RAB6A: variants seen among roughly 807,000 people sequenced by gnomAD.
RAB6A encodes the protein ras-related protein Rab-6A.
In RAB6A, 8 loss-of-function variants were observed where a neutral mutation model predicts 32.3. The observed-to-expected ratio is 0.25, with a 90% confidence interval of 0.15 to 0.45. The LOEUF is 0.45. RAB6A is among the 20% of genes least tolerant of loss of function. RAB6A has a pLI of 1.00. For synonymous variants in RAB6A, 73 were observed against 82.1 expected (o/e 0.89, Z 0.60); for missense variants, 104 against 249.4 (o/e 0.42, Z 3.93).
intron 1 of RAB6A, among the ~76,000 whole-genome samples, chr11:73,746,246 G>C (rs1016079533): frequency 6.6e-6 from 1 of 151,876 alleles, no homozygotes; most frequent in African/African-American, 2.4e-5. Flanking sequence ...AATAACTTTT[G>C]TAAGAATGAG....
chr11:73,719,886 GA>G (rs1230181568), intron 3 of RAB6A, among the ~76,000 whole-genome samples: 2 of 151,884 alleles, frequency 1.3e-5, no homozygotes, highest in African/African-American at 4.8e-5. Flanking sequence ...AAAGTGCTGG[GA>G]TTACAGGCGT....
chr11:73,756,994 GTAA>G (rs1403281902), intron 1 of RAB6A, among the ~76,000 whole-genome samples: 7 of 150,108 alleles, frequency 4.7e-5, no homozygotes, highest in Non-Finnish European at 8.9e-5. Flanking sequence ...TTATTAAACC[GTAA>G]GAATTTATCT....
chr11:73,743,799 T>C (rs971185435), intron 1 of RAB6A, among the ~76,000 whole-genome samples: 3 of 152,218 alleles, frequency 2.0e-5, no homozygotes, highest in Non-Finnish European at 4.4e-5. Context: ...TTTGTGAAAC[T>C]TTTCTTTCCT....
At chr11:73,735,734 C>G (rs906895753) in intron 1 of RAB6A, among the ~76,000 whole-genome samples, 1 of 151,542 alleles carries the variant, frequency 6.6e-6, no homozygotes, top group Non-Finnish European at 1.5e-5. Flanking sequence ...ACGAGATTAC[C>G]TAAATTCTTC....
At chr11:73,742,740 A>G (rs4944864) in intron 1 of RAB6A, among the ~76,000 whole-genome samples, 137,718 of 152,192 alleles carry the variant, frequency 0.9, 62,607 homozygotes, top group East Asian at 1. Flanking sequence ...AACTCGGGAG[A>G]TGGAGGTTGC....
At chr11:73,690,670 C>T (rs1174794149) in intron 6 of RAB6A, among the ~76,000 whole-genome samples, 11 of 144,220 alleles carry the variant, frequency 7.6e-5, no homozygotes, top group Non-Finnish European at 1.3e-4. Context: ...TGGTAACTTG[C>T]TGGCTTCGAA....
intron 1 of RAB6A, among the ~76,000 whole-genome samples, chr11:73,752,759 G>A (rs575839062): frequency 5.1e-4 from 77 of 150,010 alleles, no homozygotes; most frequent in African/African-American, 1.8e-3. Flanking sequence ...CACAGGTTGC[G>A]GTGAGCTGAG....
chr11:73,754,147 A>G (rs1946709594), intron 1 of RAB6A, among the ~76,000 whole-genome samples: 3 of 152,254 alleles, frequency 2.0e-5, no homozygotes, highest in Admixed American at 2.0e-4. Context: ...CTGCTAAAAC[A>G]TGAAACCTAG....
At chr11:73,704,972 G>A (rs185972124) in intron 6 of RAB6A, among the ~76,000 whole-genome samples, 9 of 152,102 alleles carry the variant, frequency 5.9e-5, no homozygotes, top group African/African-American at 1.2e-4. Flanking sequence ...CTCCAGCCTC[G>A]ATGACAGAGC....
intron 6 of RAB6A, among the ~76,000 whole-genome samples, chr11:73,691,603 A>G (rs1298257728): frequency 1.3e-5 from 2 of 152,228 alleles, no homozygotes; most frequent in Non-Finnish European, 2.9e-5. Context: ...AGTATCTGAC[A>G]TGCAGTAGAT....
intron 1 of RAB6A, among the ~76,000 whole-genome samples, chr11:73,738,699 C>T (rs970759035): frequency 6.6e-6 from 1 of 151,946 alleles, no homozygotes; most frequent in Admixed American, 6.6e-5. Context: ...AGCGGTCGCA[C>T]TTTGGTAGGC....
At chr11:73,748,262 AG>A (rs370659891) in intron 1 of RAB6A, among the ~76,000 whole-genome samples, 1 of 152,356 alleles carries the variant, frequency 6.6e-6, no homozygotes, top group African/African-American at 2.4e-5. Context: ...TGAAATATTA[AG>A]CTCAAAAACG....
At chr11:73,710,234 G>A (rs1945932927) in intron 5 of RAB6A, among the ~76,000 whole-genome samples, 1 of 149,346 alleles carries the variant, frequency 6.7e-6, no homozygotes, top group Non-Finnish European at 1.5e-5. Context: ...CCAAAGTGCT[G>A]GGATTACAGG....
rs1413072207 is a variant in RAB6A at position 73,731,604 on chromosome 11, AT to A, written c.71-782del. 3.7e-4 allele frequency among the ~76,000 whole-genome samples: 55 copies of A among 149,570 alleles called. 2 individuals carry two copies. Among genetic ancestry groups the A allele is most frequent in the Non-Finnish European group, 1.5e-5 (1 of 67,560 alleles). On this transcript the variant is annotated intron_variant, in intron 1 of 7. Transcript: ENST00000336083. ...GTTTTAAAATTCATTTCAAAACCAG[AT>A]AGAACTCTCTACTTCTCTGGCAAAG...
At chr11:73,748,165 T>A (rs1033963897) in intron 1 of RAB6A, among the ~76,000 whole-genome samples, 1 of 152,232 alleles carries the variant, frequency 6.6e-6, no homozygotes, top group South Asian at 2.1e-4. Context: ...TGTCTGTATT[T>A]GTTAATTGGA....
At chr11:73,684,901 A>G (rs1267488944) in intron 6 of RAB6A, among the ~76,000 whole-genome samples, 1 of 152,254 alleles carries the variant, frequency 6.6e-6, no homozygotes, top group Non-Finnish European at 1.5e-5. Context: ...CAGACTGAGA[A>G]AGACCTTCCC....
At chr11:73,688,490 CCAT>C (rs1945495517) in intron 6 of RAB6A, among the ~76,000 whole-genome samples, 1 of 152,156 alleles carries the variant, frequency 6.6e-6, no homozygotes, top group Non-Finnish European at 1.5e-5. Context: ...GTCTCTGTGT[CCAT>C]CACGTTCTGG....
chr11:73,724,027 A>C (rs1946180399), intron 2 of RAB6A, among the ~76,000 whole-genome samples: 1 of 152,214 alleles, frequency 6.6e-6, no homozygotes, highest in East Asian at 1.9e-4. Flanking sequence ...ATTTCTAACA[A>C]ATAGGTTTTT....
At chr11:73,699,153 G>A (rs967584519) in intron 6 of RAB6A, among the ~76,000 whole-genome samples, 5 of 150,098 alleles carry the variant, frequency 3.3e-5, no homozygotes, top group South Asian at 2.1e-4. Flanking sequence ...GCGCCAGGCC[G>A]ATAATGCTGT....
Sources: gnomAD v4.1 joint callset for allele counts (sites outside exome capture counted in the v4.1 genomes callset) on GRCh38, gnomAD v4.1.1 for gene constraint, MANE v1.5 for transcripts, NCBI Gene and HGNC (gene_info 2026-07-23, HGNC 2026-07-21) for gene names.